Variants in JAKMIP3 observed in about 807,000 individuals in gnomAD.
The protein encoded by JAKMIP3 is janus kinase and microtubule-interacting protein 3.
A neutral mutation model predicts 118.5 loss-of-function variants in JAKMIP3; 58 were observed. That is an observed-to-expected ratio of 0.49 (90% confidence interval 0.40 to 0.61). The LOEUF is 0.61. JAKMIP3 is among the 20% of genes least tolerant of loss of function. The pLI is 0.00. For missense variants in JAKMIP3, 950 were observed against 1,109.0 expected (o/e 0.86, Z 2.04); for synonymous variants, 486 against 451.2 (o/e 1.08, Z -0.98).
intron 18 of JAKMIP3, 22 bp downstream of exon 18, chr10:132,153,849 G>A (rs765776248): frequency 3.7e-6 from 6 of 1,612,782 alleles, no homozygotes; most frequent in Non-Finnish European, 5.1e-6. Flanking sequence ...CTTCACCGAG[G>A]TTCTGCGGCT....
intron 1 of JAKMIP3, among the ~76,000 whole-genome samples, chr10:132,095,946 A>G (rs2043798528): frequency 1.3e-5 from 2 of 151,958 alleles, no homozygotes; most frequent in Admixed American, 6.5e-5. Context: ...GCTTCCACCC[A>G]TGGTAGAATC....
At chr10:132,099,625 A>C (rs960478506) in intron 1 of JAKMIP3, among the ~76,000 whole-genome samples, 2 of 152,128 alleles carry the variant, frequency 1.3e-5, no homozygotes, top group Non-Finnish European at 2.9e-5. Context: ...TCCCCGACTA[A>C]CAGGCTCAGG....
At chr10:132,109,415 C>G (rs115623919) in intron 2 of JAKMIP3, among the ~76,000 whole-genome samples, 1 of 152,184 alleles carries the variant, frequency 6.6e-6, no homozygotes, top group Non-Finnish European at 1.5e-5. Flanking sequence ...AACGAATGAC[C>G]TCATTTGGGT....
chr10:132,049,906 A>G lies in JAKMIP3; in HGVS notation c.-138+13168A>G, dbSNP rs1254071125. Among the ~76,000 whole-genome samples the G allele has an allele frequency of 2.6e-5, 4 of 152,348 alleles. No individual in the cohort carries two copies. The highest frequency in any genetic ancestry group is 3.9e-4 in the East Asian group (2 of 5,188). Reference sequence around the variant, plus strand: ...TATTGGGATATTTTACAAGGTTCCCAGCTTAATGAATCCCTTTTCTGTCAG... The same window carrying G: ...TATTGGGATATTTTACAAGGTTCCCGGCTTAATGAATCCCTTTTCTGTCAG... On this transcript the variant is annotated intron_variant, in intron 1 of 23. Coordinates refer to the JAKMIP3 transcript ENST00000657785. The surrounding 1 kb of genome is among the most constrained non-coding windows in gnomAD (Gnocchi z 4.3).
At chr10:132,095,913 A>C (rs577071112) in intron 1 of JAKMIP3, among the ~76,000 whole-genome samples, 2 of 151,928 alleles carry the variant, frequency 1.3e-5, no homozygotes, top group Non-Finnish European at 2.9e-5. Context: ...GCTCTGCCCA[A>C]TGCCCTGAGT....
chr10:132,158,976 G>GGC, intron 19 of JAKMIP3, among the ~76,000 whole-genome samples: 2 of 81,136 alleles, frequency 2.5e-5, no homozygotes, highest in Admixed American at 1.4e-4. Flanking sequence ...TGCTGGGGGG[G>GGC]ATCTCTCGCT....
chr10:132,180,668 TGTGTGTGCGCGC>T (rs1476297274), intron 23 of JAKMIP3, among the ~76,000 whole-genome samples: 1 of 28,052 alleles, frequency 3.6e-5, no homozygotes, highest in Non-Finnish European at 7.5e-5. Flanking sequence ...CGTGTGTGCG[TGTGTGTGCGCGC>T]GCGTGTGTGT....
chr10:132,096,971 C>G (rs1417829397), intron 1 of JAKMIP3, among the ~76,000 whole-genome samples: 2 of 152,216 alleles, frequency 1.3e-5, no homozygotes, highest in Non-Finnish European at 2.9e-5. Flanking sequence ...AGGCAGCAGC[C>G]TCACAGCAGA....
chr10:132,040,281 C>T (rs985124890), intron 1 of JAKMIP3, among the ~76,000 whole-genome samples: 10 of 152,204 alleles, frequency 6.6e-5, no homozygotes, highest in African/African-American at 9.6e-5. Flanking sequence ...GGAACCAAAC[C>T]GGCCGGCTCC....
At chr10:132,106,519 A>AGGGGG (rs2045937278) in intron 2 of JAKMIP3, among the ~76,000 whole-genome samples, 2 of 151,852 alleles carry the variant, frequency 1.3e-5, no homozygotes, top group Non-Finnish European at 1.5e-5. Context: ...TGTGGCCTGG[A>AGGGGG]GGGGGGAGTG....
intron 19 of JAKMIP3, among the ~76,000 whole-genome samples, chr10:132,154,640 C>T (rs1446203213): frequency 6.6e-6 from 1 of 152,138 alleles, no homozygotes; most frequent in Non-Finnish European, 1.5e-5. Context: ...CGGGACCCAG[C>T]CCAGCAGGCA....
intron 1 of JAKMIP3, among the ~76,000 whole-genome samples, chr10:132,076,949 C>A (rs575653499): frequency 7.4e-5 from 11 of 149,104 alleles, no homozygotes; most frequent in Admixed American, 4.7e-4. Context: ...GGCTGGCCTG[C>A]GGTGGCCCCG....
At chr10:132,145,438 G>A in intron 12 of JAKMIP3, 80 bp from the exon 13 acceptor site, 1 of 1,337,822 alleles carries the variant, frequency 7.5e-7, no homozygotes, top group Non-Finnish European at 1.0e-6. Flanking sequence ...GGTCTTTGGT[G>A]TTCTGCCACA....
rs1175857809 is a variant in JAKMIP3 at position 132,044,814 on chromosome 10, C to T, written c.-138+8076C>T. Among the ~76,000 whole-genome samples the T allele has an allele frequency of 6.6e-6, 1 of 152,106 alleles. No individual in the cohort carries two copies. Among genetic ancestry groups the T allele is most frequent in the Non-Finnish European group, 1.5e-5 (1 of 68,028 alleles). On this transcript the variant is annotated intron_variant, in intron 1 of 23. Coordinates refer to the JAKMIP3 transcript ENST00000657785. The surrounding 1 kb of genome is among the most constrained non-coding windows in gnomAD (Gnocchi z 5.3). Reference sequence around the variant, plus strand: ...ACGGAAACTGTACCCCCCACCCAGCCCCTGACACCCCCACTGGTCTTTGAT... The same window carrying T: ...ACGGAAACTGTACCCCCCACCCAGCTCCTGACACCCCCACTGGTCTTTGAT...
intron 11 of JAKMIP3, 124 bp from the exon 12 acceptor site, chr10:132,144,983 G>A (rs1032741920): frequency 4.2e-6 from 3 of 721,014 alleles, no homozygotes; most frequent in African/African-American, 1.8e-5. Flanking sequence ...CCAAAGGAAG[G>A]GCGAACAGTC....
At chr10:132,180,682 CGTGTGT>C (rs1252104198) in intron 23 of JAKMIP3, among the ~76,000 whole-genome samples, 1 of 5,492 alleles carries the variant, frequency 1.8e-4, no homozygotes, top group African/African-American at 6.2e-4. Context: ...TGTGCGCGCG[CGTGTGT>C]GTGCGTGCGT....
intron 19 of JAKMIP3, among the ~76,000 whole-genome samples, chr10:132,156,939 A>G (rs870555): frequency 0.031 from 4,724 of 152,258 alleles, 202 homozygotes; most frequent in South Asian, 0.17. Flanking sequence ...AGAAAAATCC[A>G]AGAAAAAAGT....
At chr10:132,127,107 TAATA>T (rs1310589242) in intron 3 of JAKMIP3, among the ~76,000 whole-genome samples, 1 of 152,174 alleles carries the variant, frequency 6.6e-6, no homozygotes, top group African/African-American at 2.4e-5. Flanking sequence ...TAAATGTATT[TAATA>T]AATATAAAGT....
chr10:132,143,099 A>G (rs190199289), intron 11 of JAKMIP3, among the ~76,000 whole-genome samples: 3 of 151,356 alleles, frequency 2.0e-5, no homozygotes, highest in Non-Finnish European at 4.4e-5. Flanking sequence ...TGTGAAAACT[A>G]AGAGAGAGCT....
Sources: allele counts gnomAD v4.1 joint callset (sites outside exome capture counted in the v4.1 genomes callset), GRCh38; gene constraint gnomAD v4.1.1; non-coding constraint Gnocchi (gnomAD v3.1); transcripts MANE v1.5; gene names NCBI Gene and HGNC (gene_info 2026-07-23, HGNC 2026-07-21).